RYR3: variants seen among roughly 807,000 people sequenced by gnomAD.
RYR3 encodes the protein ryanodine receptor 3, also known as brain ryanodine receptor-calcium release channel.
Under a neutral mutation model 584.3 loss-of-function variants are expected in RYR3, and 207 were observed. That is an observed-to-expected ratio of 0.35 (90% CI 0.32 to 0.40). The LOEUF (loss-of-function observed/expected upper bound fraction) is 0.40, where lower values mean the gene tolerates loss of function less well. RYR3 is among the 10% of genes least tolerant of loss of function. The pLI is 1.00. For missense variants in RYR3, 5,616 were observed against 6,089.2 expected, an observed-to-expected ratio of 0.92 and a Z score of 2.59; for synonymous variants, 2,416 against 2,248.5, an observed-to-expected ratio of 1.07 and a Z score of -2.11.
chr15:33,610,965 G>T (rs115372078), intron 18 of RYR3, among the ~76,000 whole-genome samples: 216 of 152,196 alleles, frequency 1.4e-3, no homozygotes, highest in African/African-American at 5.0e-3. Flanking sequence ...AGAGCATTTC[G>T]CATTTTGGAT....
At chr15:33,533,249 G>A in intron 4 of RYR3, 62 bp from the exon 5 acceptor site, 1 of 1,137,892 alleles carries the variant, frequency 8.8e-7, no homozygotes, top group South Asian at 1.3e-5. Flanking sequence ...GCTAACTAGT[G>A]GTAAGATACC....
At chr15:33,385,273 C>A (rs774929951) in intron 1 of RYR3, among the ~76,000 whole-genome samples, 10 of 152,124 alleles carry the variant, frequency 6.6e-5, no homozygotes, top group Non-Finnish European at 1.0e-4. Context: ...AGATACTATC[C>A]CCTTGTGCTT....
chr15:33,809,627 T>C (rs1437835423), intron 70 of RYR3, among the ~76,000 whole-genome samples: 1 of 151,602 alleles, frequency 6.6e-6, no homozygotes, highest in Non-Finnish European at 1.5e-5. Context: ...TTTTTTTTTT[T>C]TTTAATGTTT....
rs557765606 is a variant in RYR3, at chr15:33,664,215, C to T, written c.5619+478C>T. On this transcript the variant is annotated intron_variant, in intron 36 of 103. Coordinates refer to ENST00000634891, the MANE Select transcript of RYR3 (RefSeq NM_001036.6). ...CCTTGCCGGTGGCACGACTCTCTCA[C>T]AAAGCCTCCCCAGCTCCATGGAGCC... 7.2e-5 allele frequency among the ~76,000 whole-genome samples: 11 copies of T among 152,262 alleles called. No homozygotes were observed. In the South Asian group the frequency reaches 2.3e-3, roughly 32 times the overall value.
chr15:33,634,053 T>C (rs968134829), intron 24 of RYR3, among the ~76,000 whole-genome samples: 3 of 152,140 alleles, frequency 2.0e-5, no homozygotes, highest in African/African-American at 7.2e-5. Context: ...TTTTTTGTTT[T>C]GTTTTGTTTT....
chr15:33,582,558 G>A (rs2058648192), intron 14 of RYR3, among the ~76,000 whole-genome samples: 1 of 152,168 alleles, frequency 6.6e-6, no homozygotes, highest in Non-Finnish European at 1.5e-5. Flanking sequence ...CTCTTTGTGA[G>A]CGGTGAAATA....
chr15:33,341,437 A>T (rs1453866471), intron 1 of RYR3, among the ~76,000 whole-genome samples: 1 of 152,190 alleles, frequency 6.6e-6, no homozygotes, highest in Non-Finnish European at 1.5e-5. Context: ...GAATAGAATG[A>T]TCTACATAGT....
At position 33,810,639 on chromosome 15, in the gene RYR3, G is replaced by C; in HGVS notation, c.10187G>C (p.Arg3396Pro). 1 of 1,613,982 alleles carries C rather than the reference G, an allele frequency of 6.2e-7. No individual in the cohort carries two copies. The highest frequency in any genetic ancestry group is 2.2e-5 in the East Asian group (1 of 44,880). Residue 3396 changes from arginine (R) to proline (P), a missense_variant, in exon 71 of 104, where the codon CGA becomes CCA. Arg to Pro is a moderately radical substitution (Grantham distance 103). Transcript: ENST00000634891. ...DQELISLAKS[R>P]YSHRDTDEEV... ...GAGCTGATCTCCCTCGCAAAATCGC[G>C]ATACAGCCATGTAAGCTGCCCGTCT...
chr15:33,420,024 C>T (rs938244516), intron 1 of RYR3, among the ~76,000 whole-genome samples: 2 of 152,208 alleles, frequency 1.3e-5, no homozygotes, highest in South Asian at 2.1e-4. Context: ...TTCCTCTCCA[C>T]CAGCAGAATT....
intron 1 of RYR3, among the ~76,000 whole-genome samples, chr15:33,392,159 C>T (rs971238263): frequency 2.0e-5 from 3 of 149,758 alleles, no homozygotes; most frequent in African/African-American, 7.4e-5. Context: ...ATTGTTGCAT[C>T]CCTAGAACCT....
chr15:33,779,191 T>C (rs1268870151), intron 64 of RYR3, among the ~76,000 whole-genome samples: 3 of 152,212 alleles, frequency 2.0e-5, no homozygotes, highest in African/African-American at 7.2e-5. Context: ...GTCATTTTTC[T>C]TCAAGACCAG....
rs1596421166 is a variant in RYR3, at chr15:33,750,392, T to C, written c.8399+106T>C. 6.3e-6 allele frequency: 7 copies of C among 1,110,828 alleles called. No individual in the cohort carries two copies. The East Asian group carries it at 1.8e-4, about 29-fold the overall frequency. 68.8% of individuals were successfully genotyped at this position (1,110,828 alleles called of 1,614,324 possible). On this transcript the variant is annotated intron_variant, in intron 57 of 103. Transcript: ENST00000634891. ...CAAGTAAGGAGAACAATTGAGTCTT[T>C]TAAAATGAGAACATTTTTATTTTAG...
Position 33,831,069 on chromosome 15 carries a change from A to G in RYR3, c.11441A>G (p.Asn3814Ser), listed in dbSNP as rs776225973. 23 of 1,613,496 alleles carry G rather than the reference A, an allele frequency of 1.4e-5. 1 individual carries two copies. The highest frequency in any genetic ancestry group is 2.2e-5 in the East Asian group (1 of 44,886). Reference protein sequence around the residue: ...KALAVTKQIFNSLTEYIQGPC... With the variant: ...KALAVTKQIFSSLTEYIQGPC... ...CTGGCAGTCACCAAGCAGATTTTCAATTCTCTTACAGAATACATCCAGGTA... is the reference window on the plus strand; with the variant it reads ...CTGGCAGTCACCAAGCAGATTTTCAGTTCTCTTACAGAATACATCCAGGTA... Residue 3814 changes from asparagine (N) to serine (S), a missense_variant, in exon 86 of 104, where the codon AAT becomes AGT. Physicochemically the swap from Asn to Ser is conservative, Grantham distance 46 (BLOSUM62 1). Around this residue, in one of 9 missense-constraint regions of RYR3, gnomAD observed 954 missense variants for 1,132.2 expected, o/e 0.84. Transcript: ENST00000634891.
intron 3 of RYR3, among the ~76,000 whole-genome samples, chr15:33,519,122 G>T (rs959409887): frequency 2.6e-5 from 4 of 152,128 alleles, no homozygotes; most frequent in African/African-American, 4.8e-5. Flanking sequence ...GGGGAGGGAG[G>T]TCTAGAATGC....
At chr15:33,648,812 G>T (rs1002752253) in intron 30 of RYR3, among the ~76,000 whole-genome samples, 1 of 152,196 alleles carries the variant, frequency 6.6e-6, no homozygotes, top group Admixed American at 6.5e-5. Flanking sequence ...GTGTCTTCTG[G>T]GCAAAGGGTG....
intron 2 of RYR3, among the ~76,000 whole-genome samples, chr15:33,481,644 C>A (rs1018006905): frequency 6.6e-6 from 1 of 151,984 alleles, no homozygotes; most frequent in African/African-American, 2.4e-5. Flanking sequence ...CCAGGCCCAG[C>A]TAATTTTTTG....
intron 37 of RYR3, among the ~76,000 whole-genome samples, chr15:33,670,157 T>C (rs968466146): frequency 4.6e-5 from 7 of 152,210 alleles, no homozygotes; most frequent in African/African-American, 1.7e-4. Context: ...CTTACACTCT[T>C]TCAGAGGTTT....
intron 1 of RYR3, among the ~76,000 whole-genome samples, chr15:33,417,956 A>G (rs578035253): frequency 6.6e-6 from 1 of 152,128 alleles, no homozygotes; most frequent in African/African-American, 2.4e-5. Flanking sequence ...TTTGTTTTTA[A>G]TTCTACTTAT....
At chr15:33,408,981 T>A (rs138392001) in intron 1 of RYR3, among the ~76,000 whole-genome samples, 1 of 152,314 alleles carries the variant, frequency 6.6e-6, no homozygotes, top group East Asian at 1.9e-4. Flanking sequence ...TGAAATTCAC[T>A]CTCTGTGTAT....
Sources: allele counts gnomAD v4.1 joint callset (sites outside exome capture counted in the v4.1 genomes callset), GRCh38; gene constraint gnomAD v4.1.1; regional missense constraint gnomAD v4.1.1; transcripts MANE v1.5; gene names NCBI Gene and HGNC (gene_info 2026-07-23, HGNC 2026-07-21).